PIK3AP1: variants seen among roughly 807,000 people sequenced by gnomAD.
PIK3AP1 encodes phosphoinositide 3-kinase adapter protein 1.
Under a neutral mutation model 88.1 loss-of-function variants are expected in PIK3AP1, and 21 were observed. The ratio of observed to expected loss-of-function variants is 0.24; its 90% CI spans 0.17 to 0.34. PIK3AP1 has a LOEUF of 0.34. PIK3AP1 is among the 10% of genes least tolerant of loss of function. The pLI, the probability that PIK3AP1 is intolerant of heterozygous loss-of-function variation, is 1.00. For synonymous variants in PIK3AP1, 398 were observed against 400.0 expected (o/e 1.00, Z 0.06); for missense variants, 828 against 1,035.7 (o/e 0.80, Z 2.75).
chr10:96,603,268 G>A (rs1321309440), intron 15 of PIK3AP1, among the ~76,000 whole-genome samples: 1 of 152,132 alleles, frequency 6.6e-6, no homozygotes, highest in Non-Finnish European at 1.5e-5. Flanking sequence ...GTCTTAAAAC[G>A]TTTTCATCAC....
At position 96,709,841 on chromosome 10, in the gene PIK3AP1, G is replaced by A. The variant is rs1844416030; in HGVS notation, c.156C>T (p.Ser52=). 2 of 1,613,982 alleles carry A rather than the reference G, an allele frequency of 1.2e-6. No homozygotes were observed. Among genetic ancestry groups the A allele is most frequent in the Non-Finnish European group, 8.5e-7 (1 of 1,179,980 alleles). ...ILTHRLGPEA[S]FSAEDLSLFL... Reference sequence around the variant, plus strand: ...AAAGGCTTAGGTCCTCTGCCGAGAAGGAGGCCTCGGGGCCCAGCCTGTGAG... The same window carrying A: ...AAAGGCTTAGGTCCTCTGCCGAGAAAGAGGCCTCGGGGCCCAGCCTGTGAG... Residue 52 remains serine, a synonymous_variant, in exon 2 of 17, where the codon TCC becomes TCT. Coordinates refer to ENST00000339364, the MANE Select transcript of PIK3AP1 (RefSeq NM_152309.3).
At chr10:96,682,464 C>G (rs1299084326) in intron 2 of PIK3AP1, among the ~76,000 whole-genome samples, 1 of 152,124 alleles carries the variant, frequency 6.6e-6, no homozygotes, top group Non-Finnish European at 1.5e-5. Context: ...TTTGCAAGAG[C>G]TGCCTTCTCT....
chr10:96,616,506 A>T, intron 13 of PIK3AP1, 133 bp downstream of exon 13: 2 of 880,182 alleles, frequency 2.3e-6, no homozygotes, highest in Non-Finnish European at 3.7e-6. Flanking sequence ...CTAGTGGGGG[A>T]CCCAGATCTG....
chr10:96,711,782 GCT>G (rs892145056), intron 1 of PIK3AP1, among the ~76,000 whole-genome samples: 1 of 106,568 alleles, frequency 9.4e-6, no homozygotes, highest in Non-Finnish European at 1.6e-5. Flanking sequence ...ACGGAGTCTC[GCT>G]CTGTCGCCCA....
intron 9 of PIK3AP1, 116 bp from the exon 10 acceptor site, chr10:96,627,021 G>T (rs1332554264): frequency 2.5e-5 from 24 of 952,878 alleles, no homozygotes; most frequent in Non-Finnish European, 2.5e-5. Flanking sequence ...CCCTGGCAAA[G>T]GACTTTCCCC....
At chr10:96,617,417 T>C (rs1360006711) in intron 12 of PIK3AP1, among the ~76,000 whole-genome samples, 2 of 152,108 alleles carry the variant, frequency 1.3e-5, no homozygotes, top group Non-Finnish European at 2.9e-5. Context: ...AAGGTTCATG[T>C]TGGGGAGTCA....
intron 10 of PIK3AP1, among the ~76,000 whole-genome samples, chr10:96,624,247 A>T (rs1191977774): frequency 6.6e-6 from 1 of 152,226 alleles, no homozygotes; most frequent in Non-Finnish European, 1.5e-5. Flanking sequence ...AAGTGCTTAG[A>T]ACAGTGTGTG....
At chr10:96,646,253 C>CT in intron 7 of PIK3AP1, among the ~76,000 whole-genome samples, 1 of 146,352 alleles carries the variant, frequency 6.8e-6, no homozygotes, top group Non-Finnish European at 1.5e-5. Context: ...GAGCAAGACT[C>CT]TGTCTAAAAA....
intron 11 of PIK3AP1, chr10:96,621,322 A>G (rs1050199674): frequency 6.5e-6 from 1 of 153,126 alleles, no homozygotes; most frequent in African/African-American, 2.4e-5. Flanking sequence ...CCCAGACAAC[A>G]TGGCCATTGT....
At chr10:96,631,778 G>A (rs1843247939) in intron 8 of PIK3AP1, among the ~76,000 whole-genome samples, 1 of 152,116 alleles carries the variant, frequency 6.6e-6, no homozygotes, top group South Asian at 2.1e-4. Context: ...AGCTACTCAG[G>A]AGGCTGAGGC....
chr10:96,673,184 G>A (rs1843870509), intron 2 of PIK3AP1, among the ~76,000 whole-genome samples: 1 of 152,198 alleles, frequency 6.6e-6, no homozygotes, highest in Non-Finnish European at 1.5e-5. Flanking sequence ...ACCAGTCTCT[G>A]GGATATAAAC....
At chr10:96,604,072 G>A in intron 14 of PIK3AP1, 23 bp from the exon 15 acceptor site, 1 of 1,527,310 alleles carries the variant, frequency 6.5e-7, no homozygotes, top group Non-Finnish European at 9.0e-7. Context: ...AAGAAAATCA[G>A]CCGGATTGAG....
chr10:96,702,159 G>A (rs900013497), intron 2 of PIK3AP1, among the ~76,000 whole-genome samples: 6 of 152,140 alleles, frequency 3.9e-5, no homozygotes, highest in Non-Finnish European at 8.8e-5. Context: ...GGTAAAGAAG[G>A]GGACTTGGGA....
chr10:96,707,096 A>G (rs1219080256), intron 2 of PIK3AP1, among the ~76,000 whole-genome samples: 2 of 152,200 alleles, frequency 1.3e-5, no homozygotes, highest in Admixed American at 6.5e-5. Context: ...TTAGAACAGG[A>G]GCACCCTGTA....
intron 8 of PIK3AP1, among the ~76,000 whole-genome samples, chr10:96,638,908 T>C (rs573212627): frequency 1.3e-5 from 2 of 152,090 alleles, no homozygotes; most frequent in East Asian, 1.9e-4. Flanking sequence ...CATCATCACC[T>C]GGCACAGCGT....
At chr10:96,621,210 A>C (rs1391544180) in intron 11 of PIK3AP1, 1 of 155,506 alleles carries the variant, frequency 6.4e-6, no homozygotes, top group Non-Finnish European at 1.4e-5. Flanking sequence ...GGGCTTGCTG[A>C]TCTTGTTCCC....
At chr10:96,702,614 C>CCACA (rs3035892) in intron 2 of PIK3AP1, among the ~76,000 whole-genome samples, 5,387 of 145,114 alleles carry the variant, frequency 0.037, 116 homozygotes, top group African/African-American at 0.068. Flanking sequence ...AGTGTTCTCA[C>CCACA]CACACACACA....
At chr10:96,606,474 G>A (rs951582556) in intron 14 of PIK3AP1, among the ~76,000 whole-genome samples, 3 of 152,228 alleles carry the variant, frequency 2.0e-5, no homozygotes, top group African/African-American at 7.2e-5. Flanking sequence ...AGTTCCCACT[G>A]TCCCTTCTGC....
At position 96,628,410 on chromosome 10, in the gene PIK3AP1, T is replaced by C; in HGVS notation, c.1459A>G (p.Lys487Glu). The change falls in exon 9 of 17, where the codon AAG (lysine) becomes GAG (glutamate). Residue 487 changes from lysine to glutamate, a missense_variant. By Grantham distance (56) the Lys-to-Glu change is moderately conservative (BLOSUM62 1). Around this residue, in one of 3 missense-constraint regions of PIK3AP1, gnomAD observed 610 missense variants for 760.1 expected, o/e 0.80. Transcript: ENST00000339364. ...SRATKDSMIR[K>E]FLEGNSMGMT... ...GGCTATGACTTACCTTCTAAAAACT[T>C]GCGGATCATAGAGTCCTTAGTGGCC... 3 of 1,609,278 alleles carry C rather than the reference T, an allele frequency of 1.9e-6. No individual in the cohort carries two copies. The highest frequency in any genetic ancestry group is 2.6e-6 in the Non-Finnish European group (3 of 1,175,612).
Sources: gnomAD v4.1 joint callset for allele counts (sites outside exome capture counted in the v4.1 genomes callset) on GRCh38, gnomAD v4.1.1 for gene constraint, gnomAD v4.1.1 regional missense constraint, MANE v1.5 for transcripts, NCBI Gene and HGNC (gene_info 2026-07-23, HGNC 2026-07-21) for gene names.